Variants in ANKRD46 observed in about 807,000 individuals in gnomAD.
ANKRD46 encodes the protein ankyrin repeat domain 46, also known as ankyrin repeat domain-containing protein 46.
Under a neutral mutation model 19.8 loss-of-function variants are expected in ANKRD46, and 13 were observed. The observed-to-expected ratio is 0.66, with a 90% CI of 0.43 to 1.04. ANKRD46 has a LOEUF of 1.04. ANKRD46 is among the 50% of genes least tolerant of loss of function. The pLI is 0.00. For missense variants in ANKRD46, 185 were observed against 274.8 expected (o/e 0.67, Z 2.31); for synonymous variants, 91 against 106.9 (o/e 0.85, Z 0.92).
chr8:100,529,993 C>A lies in ANKRD46; in HGVS notation c.-27-133G>T. ...TAAATAAATGACCAAACAGAAACAA[C>A]AACAAAGTTATCAATTGTATTTTAT... On this transcript the variant is annotated intron_variant, in intron 2 of 4. Coordinates refer to ENST00000335659, the MANE Select transcript of ANKRD46 (RefSeq NM_001270377.2). This position sits in a 1 kb window ranked among gnomAD's most constrained non-coding sequence, Gnocchi z 5.8. 1.7e-6 allele frequency: 1 copy of A among 597,854 alleles called. No homozygotes were observed. The highest frequency in any genetic ancestry group is 2.9e-6 in the Non-Finnish European group (1 of 350,126). 37.0% of individuals were successfully genotyped at this position (597,854 alleles called of 1,614,324 possible).
downstream of ANKRD46, among the ~76,000 whole-genome samples, chr8:100,520,502 C>A (rs897274362): frequency 6.6e-6 from 1 of 151,874 alleles, no homozygotes; most frequent in Non-Finnish European, 1.5e-5. Context: ...CTCAAGGGGG[C>A]GTAGGGTAAA....
intron 1 of ANKRD46, among the ~76,000 whole-genome samples, chr8:100,539,683 T>C (rs1037732584): frequency 6.6e-6 from 1 of 152,336 alleles, no homozygotes; most frequent in Middle Eastern, 3.4e-3. Flanking sequence ...TATTAGTAAC[T>C]TCATAATTAA....
chr8:100,525,697 T>G lies in ANKRD46; in HGVS notation c.470+2148A>C, dbSNP rs1811828842. On this transcript the variant is annotated intron_variant, in intron 4 of 4. Coordinates refer to ENST00000335659, the MANE Select transcript of ANKRD46 (RefSeq NM_001270377.2). This position sits in a 1 kb window ranked among gnomAD's most constrained non-coding sequence, Gnocchi z 4.4. ...TTGGCTATTATGAATAATGCTGCTA[T>G]GAACATTCATATATAAGTTTTGTGT... 6.6e-6 allele frequency among the ~76,000 whole-genome samples: 1 copy of G among 152,246 alleles called. No homozygotes were observed. Among genetic ancestry groups the G allele is most frequent in the Admixed American group, 6.5e-5 (1 of 15,288 alleles).
chr8:100,531,935 T>C (rs1220493367), intron 2 of ANKRD46, among the ~76,000 whole-genome samples: 4 of 152,150 alleles, frequency 2.6e-5, no homozygotes, highest in Non-Finnish European at 4.4e-5. Flanking sequence ...CATTAGGTCA[T>C]TGCAGCTATC....
chr8:100,519,080 C>A (rs2130635004), downstream of ANKRD46, among the ~76,000 whole-genome samples: 1 of 152,306 alleles, frequency 6.6e-6, no homozygotes, highest in Middle Eastern at 3.4e-3. Flanking sequence ...TCCCTGCCCA[C>A]TGATTGCCAG....
At chr8:100,518,096 CAGG>C (rs1811663304), downstream of ANKRD46, among the ~76,000 whole-genome samples, 1 of 152,174 alleles carries the variant, frequency 6.6e-6, no homozygotes, top group Non-Finnish European at 1.5e-5. Context: ...GAGGCTGAGA[CAGG>C]AGAATAGCTT....
downstream of ANKRD46, among the ~76,000 whole-genome samples, chr8:100,516,627 T>A (rs993739949): frequency 2.0e-5 from 3 of 152,344 alleles, no homozygotes; most frequent in Non-Finnish European, 4.4e-5. Flanking sequence ...CATAATGACG[T>A]ACATTACAGT....
chr8:100,550,668 G>C lies in ANKRD46; in HGVS notation c.-131+9043C>G, dbSNP rs1185967537. The C allele has an allele frequency of 3.5e-6, 1 of 285,158 alleles. No individual in the cohort carries two copies. The highest frequency in any genetic ancestry group is 6.9e-6 in the Non-Finnish European group (1 of 145,420). 17.7% of individuals were successfully genotyped at this position (285,158 alleles called of 1,614,324 possible). A position where few individuals can be genotyped will look rare whatever the true frequency, so the allele number is the denominator to read the frequency against. On this transcript the variant is annotated intron_variant, in intron 1 of 4. Coordinates refer to ENST00000335659, the MANE Select transcript of ANKRD46 (RefSeq NM_001270377.2). This position sits in a 1 kb window ranked among gnomAD's most constrained non-coding sequence, Gnocchi z 4.4. ...TGAGCATGGCAGGGACTGCCCAGAA[G>C]CTGAAGGTCTCTTTCTTCCTCTTGT...
At chr8:100,520,391 G>A (rs1811701171), downstream of ANKRD46, among the ~76,000 whole-genome samples, 1 of 152,140 alleles carries the variant, frequency 6.6e-6, no homozygotes, top group African/African-American at 2.4e-5. Context: ...GCCTCAATCT[G>A]GAATCCCTCT....
chr8:100,541,603 T>A (rs761338105), intron 1 of ANKRD46, among the ~76,000 whole-genome samples: 7 of 152,152 alleles, frequency 4.6e-5, no homozygotes, highest in Non-Finnish European at 8.8e-5. Flanking sequence ...TGGAAGGCCA[T>A]CCAACATCAT....
chr8:100,541,175 G>T (rs1310164152), intron 1 of ANKRD46, among the ~76,000 whole-genome samples: 3 of 151,398 alleles, frequency 2.0e-5, no homozygotes, highest in Non-Finnish European at 4.4e-5. Context: ...AAAATTAATA[G>T]CAAAAATATG....
Position 100,524,184 on chromosome 8 carries a change from T to C in ANKRD46, c.471-1413A>G, listed in dbSNP as rs1013381649. 2.0e-5 allele frequency among the ~76,000 whole-genome samples: 3 copies of C among 152,160 alleles called. No individual in the cohort carries two copies. The highest frequency in any genetic ancestry group is 7.2e-5 in the African/African-American group (3 of 41,438). ...GGAAGCACTAAGGGAAGAGCACTCA[T>C]GGTTATATCACAACATACAGGCCCA... On this transcript the variant is annotated intron_variant, in intron 4 of 4. Transcript: ENST00000335659. The surrounding 1 kb of genome is among the most constrained non-coding windows in gnomAD (Gnocchi z 4.3).
At chr8:100,552,380 G>A (rs891392159) in intron 1 of ANKRD46, among the ~76,000 whole-genome samples, 4 of 146,652 alleles carry the variant, frequency 2.7e-5, no homozygotes, top group Non-Finnish European at 4.5e-5. Flanking sequence ...ATACTTTGGC[G>A]CTTTTTTTTT....
chr8:100,559,296 G>C lies in ANKRD46; in HGVS notation c.-131+415C>G, dbSNP rs1249352932. ...ACCCCAACAGCTTGTCCCGGCGCCT[G>C]AACTGTGCGCTCCTGCAAGCACACG... On this transcript the variant is annotated intron_variant, in intron 1 of 4. Coordinates refer to ENST00000335659, the MANE Select transcript of ANKRD46 (RefSeq NM_001270377.2). This position sits in a 1 kb window ranked among gnomAD's most constrained non-coding sequence, Gnocchi z 6.0. 6.6e-6 allele frequency: 1 copy of C among 152,276 alleles called. No individual in the cohort carries two copies. The highest frequency in any genetic ancestry group is 1.9e-4 in the East Asian group (1 of 5,184). The allele number at this position is 152,276 out of a possible 1,614,324, so 9.4% of individuals were successfully genotyped here. A position where few individuals can be genotyped will look rare whatever the true frequency, so the allele number is the denominator to read the frequency against.
In ANKRD46 at chr8:100,522,334, G is replaced by T; in HGVS notation, c.*221C>A. On this transcript the variant is annotated 3_prime_UTR_variant, in exon 5 of 5. Coordinates refer to ENST00000335659, the MANE Select transcript of ANKRD46 (RefSeq NM_001270377.2). ...ACGTGTAGGCTTTCCTACAAAGTCAGGTTGAGTCAGAGGTAGCGTTAGGAT... is the reference window on the plus strand; with the variant it reads ...ACGTGTAGGCTTTCCTACAAAGTCATGTTGAGTCAGAGGTAGCGTTAGGAT... 7.3e-7 allele frequency: 1 copy of T among 1,362,456 alleles called. No homozygotes were observed. The highest frequency in any genetic ancestry group is 9.5e-7 in the Non-Finnish European group (1 of 1,056,732). 84.4% of individuals were successfully genotyped at this position (1,362,456 alleles called of 1,614,324 possible). A position where few individuals can be genotyped will look rare whatever the true frequency, so the allele number is the denominator to read the frequency against.
At chr8:100,517,795 T>A (rs1183980848), downstream of ANKRD46, among the ~76,000 whole-genome samples, 1 of 152,230 alleles carries the variant, frequency 6.6e-6, no homozygotes, top group Non-Finnish European at 1.5e-5. Context: ...GGTGTTTTAA[T>A]CAGATACTGG....
chr8:100,554,836 A>G (rs1462170125), intron 1 of ANKRD46: 1 of 152,200 alleles, frequency 6.6e-6, no homozygotes, highest in Non-Finnish European at 1.5e-5. Context: ...GTTAGAGACC[A>G]GCCTGGCCAA....
intron 1 of ANKRD46, among the ~76,000 whole-genome samples, chr8:100,556,418 G>C (rs932226274): frequency 6.6e-6 from 1 of 152,182 alleles, no homozygotes; most frequent in African/African-American, 2.4e-5. Context: ...ATGATCAGCA[G>C]TAGGATAGCT....
At position 100,545,323 on chromosome 8, in the gene ANKRD46, G is replaced by A. The variant is rs1191876494; in HGVS notation, c.-130-12012C>T. Among the ~76,000 whole-genome samples the A allele has an allele frequency of 1.3e-5, 2 of 152,116 alleles. No individual in the cohort carries two copies. Among genetic ancestry groups the A allele is most frequent in the Non-Finnish European group, 2.9e-5 (2 of 68,018 alleles). ...ATATCAAGGAAGGGACCTGGTGGGA[G>A]GTGAATGGAGCATGGGGGTGGTTAC... On this transcript the variant is annotated intron_variant, in intron 1 of 4. Transcript: ENST00000335659. This position sits in a 1 kb window ranked among gnomAD's most constrained non-coding sequence, Gnocchi z 4.7.
Sources: allele counts gnomAD v4.1 joint callset (sites outside exome capture counted in the v4.1 genomes callset), GRCh38; gene constraint gnomAD v4.1.1; non-coding constraint Gnocchi (gnomAD v3.1); transcripts MANE v1.5; gene names NCBI Gene and HGNC (gene_info 2026-07-23, HGNC 2026-07-21).